PCDH15: variants seen among roughly 807,000 people sequenced by gnomAD.
The protein encoded by PCDH15 is protocadherin-15.
In PCDH15, 129 loss-of-function variants were observed where a neutral mutation model predicts 178.5. That is an observed-to-expected ratio of 0.72 (90% CI 0.63 to 0.84). PCDH15 has a LOEUF of 0.84. Among genes scored for constraint, PCDH15 ranks in the 40% least tolerant of loss-of-function variants. The pLI, the probability that PCDH15 is intolerant of heterozygous loss-of-function variation, is 0.00. For missense variants in PCDH15, 2,230 were observed against 2,099.9 expected (o/e 1.06, Z -1.21); for synonymous variants, 800 against 732.0 (o/e 1.09, Z -1.50).
chr10:53,871,034 G>A (rs561176912), intron 26 of PCDH15, among the ~76,000 whole-genome samples: 15 of 152,006 alleles, frequency 9.9e-5, no homozygotes, highest in African/African-American at 3.4e-4. Context: ...GTGTGACTTT[G>A]AAAAATTAAT....
chr10:54,434,820 A>T (rs1318098757), intron 3 of PCDH15, among the ~76,000 whole-genome samples: 2 of 152,152 alleles, frequency 1.3e-5, no homozygotes, highest in Non-Finnish European at 2.9e-5. Context: ...ATTTTCTTAC[A>T]TCTTTTACTT....
intron 1 of PCDH15, among the ~76,000 whole-genome samples, chr10:54,721,643 A>G (rs1012943637): frequency 3.3e-5 from 5 of 151,858 alleles, no homozygotes; most frequent in African/African-American, 1.2e-4. Flanking sequence ...TTCTAGAAAA[A>G]CAGACAACTT....
intron 2 of PCDH15, among the ~76,000 whole-genome samples, chr10:54,904,426 T>C (rs996803603): frequency 6.6e-6 from 1 of 151,950 alleles, no homozygotes; most frequent in Non-Finnish European, 1.5e-5. Context: ...CCTAAATATT[T>C]TCCCTCCTAG....
chr10:55,302,565 C>G (rs1467721209), intron 1 of PCDH15, among the ~76,000 whole-genome samples: 2 of 152,028 alleles, frequency 1.3e-5, no homozygotes, highest in Non-Finnish European at 2.9e-5. Context: ...CTCAGGGGAG[C>G]CAGCCTTTTC....
intron 26 of PCDH15, among the ~76,000 whole-genome samples, chr10:53,892,522 T>A (rs2081643675): frequency 6.6e-6 from 1 of 152,086 alleles, no homozygotes; most frequent in Non-Finnish European, 1.5e-5. Context: ...CAAACTGATT[T>A]GTGTGGAGAG....
At chr10:55,245,019 A>T (rs557958065) in intron 1 of PCDH15, among the ~76,000 whole-genome samples, 1 of 151,904 alleles carries the variant, frequency 6.6e-6, no homozygotes, top group African/African-American at 2.4e-5. Context: ...AACCATTGCT[A>T]TCTTTGAAAT....
At chr10:55,239,514 AC>A (rs1419093331) in intron 1 of PCDH15, among the ~76,000 whole-genome samples, 3 of 152,102 alleles carry the variant, frequency 2.0e-5, no homozygotes, top group Non-Finnish European at 4.4e-5. Flanking sequence ...GTGAAACTAG[AC>A]CCCTCTTGCC....
rs976708007 is a variant in PCDH15, at chr10:54,600,240, C to A, written c.91+63932G>T. ...AAGAGACCAAAGAAGAGGGAAGCCACAGCAACAGGAGAAAGAGGAGAAAGT... is the reference window on the plus strand; with the variant it reads ...AAGAGACCAAAGAAGAGGGAAGCCAAAGCAACAGGAGAAAGAGGAGAAAGT... On this transcript the variant is annotated intron_variant, in intron 2 of 37. Transcript: ENST00000644397. The A allele has an allele frequency of 5.1e-5, 29 of 572,164 alleles. No homozygotes were observed. The African/African-American group carries it at 5.6e-4, about 11-fold the overall frequency. The allele number at this position is 572,164 out of a possible 1,614,324, so 35.4% of individuals were successfully genotyped here.
intron 1 of PCDH15, among the ~76,000 whole-genome samples, chr10:54,670,003 G>C (rs1364481221): frequency 6.6e-6 from 1 of 152,032 alleles, no homozygotes; most frequent in Non-Finnish European, 1.5e-5. Context: ...GCAGTGGGTT[G>C]AGATTGCACC....
chr10:54,692,361 C>T (rs540131506), intron 1 of PCDH15, among the ~76,000 whole-genome samples: 19 of 152,118 alleles, frequency 1.2e-4, no homozygotes, highest in Admixed American at 7.2e-4. Flanking sequence ...AACTAGTATA[C>T]GTTTGCTTCC....
At chr10:55,123,088 C>G (rs999160493) in intron 2 of PCDH15, among the ~76,000 whole-genome samples, 2 of 151,882 alleles carry the variant, frequency 1.3e-5, no homozygotes, top group Admixed American at 6.6e-5. Context: ...TCTCTATAAA[C>G]AAATAAGTTT....
intron 10 of PCDH15, among the ~76,000 whole-genome samples, chr10:54,210,441 G>C (rs1197706476): frequency 6.6e-6 from 1 of 152,012 alleles, no homozygotes; most frequent in Non-Finnish European, 1.5e-5. Context: ...TTTGCAATCT[G>C]CCCTCCTGTA....
At chr10:54,167,372 A>G (rs2046339540) in intron 13 of PCDH15, among the ~76,000 whole-genome samples, 1 of 151,776 alleles carries the variant, frequency 6.6e-6, no homozygotes, top group African/African-American at 2.4e-5. Flanking sequence ...TCTTAATTTC[A>G]ATTCCTTTCA....
At chr10:54,136,340 C>A (rs2133106962) in intron 14 of PCDH15, among the ~76,000 whole-genome samples, 1 of 151,848 alleles carries the variant, frequency 6.6e-6, no homozygotes, top group South Asian at 2.1e-4. Context: ...AAAAACTCTA[C>A]AAAGTCACTT....
At chr10:54,847,387 A>G (rs2131760206) in intron 3 of PCDH15, among the ~76,000 whole-genome samples, 1 of 152,210 alleles carries the variant, frequency 6.6e-6, no homozygotes, top group African/African-American at 2.4e-5. Flanking sequence ...TTATATTTTA[A>G]TATATTTTGT....
At chr10:54,049,513 A>G (rs1405089164) in intron 18 of PCDH15, among the ~76,000 whole-genome samples, 1 of 152,108 alleles carries the variant, frequency 6.6e-6, no homozygotes, top group Non-Finnish European at 1.5e-5. Context: ...TCTGCCATAG[A>G]TGGATCTGAT....
At chr10:54,979,731 T>C (rs928989406) in intron 2 of PCDH15, among the ~76,000 whole-genome samples, 3 of 151,364 alleles carry the variant, frequency 2.0e-5, no homozygotes, top group African/African-American at 7.3e-5. Flanking sequence ...AAAGAAAATG[T>C]GATACATATA....
In PCDH15 at chr10:53,813,113, GATC is replaced by G. The variant is rs555423448; in HGVS notation, c.4492-1497_4492-1495del. Among the ~76,000 whole-genome samples, 732 of 152,050 alleles carry G rather than the reference GATC, an allele frequency of 4.8e-3. 1 individual carries two copies. Among genetic ancestry groups the G allele is most frequent in the Non-Finnish European group, 7.5e-3 (510 of 67,952 alleles). On this transcript the variant is annotated intron_variant, in intron 35 of 37. Coordinates refer to ENST00000644397, the MANE Select transcript of PCDH15 (RefSeq NM_001384140.1). Reference sequence around the variant, plus strand: ...AAAAATAAAAAGATGGAAACACTAGGATCATATTTTTACATTCCAATAATCTAG... The same window carrying G: ...AAAAATAAAAAGATGGAAACACTAGGATATTTTTACATTCCAATAATCTAG...
At chr10:55,078,476 C>T (rs952428673) in intron 2 of PCDH15, among the ~76,000 whole-genome samples, 2 of 151,876 alleles carry the variant, frequency 1.3e-5, no homozygotes, top group Admixed American at 6.6e-5. Flanking sequence ...TTATGATGAC[C>T]CATATATTAT....
Sources: allele counts gnomAD v4.1 joint callset (sites outside exome capture counted in the v4.1 genomes callset), GRCh38; gene constraint gnomAD v4.1.1; transcripts MANE v1.5; gene names NCBI Gene and HGNC (gene_info 2026-07-23, HGNC 2026-07-21).